The following GRIK3 variants were observed in gnomAD, a reference collection of about 807,000 sequenced individuals.
GRIK3 encodes the protein glutamate ionotropic receptor kainate type subunit 3.
Under a neutral mutation model 102.5 loss-of-function variants are expected in GRIK3, and 29 were observed. The ratio of observed to expected loss-of-function variants is 0.28; its 90% CI spans 0.21 to 0.39. GRIK3 has a LOEUF of 0.39. GRIK3 is among the 10% of genes least tolerant of loss of function. The pLI is 1.00. For missense variants in GRIK3, 908 were observed against 1,252.4 expected (o/e 0.73, Z 4.15); for synonymous variants, 511 against 504.9 (o/e 1.01, Z -0.16).
At chr1:36,863,850 A>G (rs1038737227) in intron 5 of GRIK3, among the ~76,000 whole-genome samples, 10 of 152,172 alleles carry the variant, frequency 6.6e-5, no homozygotes, top group African/African-American at 2.4e-4. Flanking sequence ...AAGTGGAAAG[A>G]AGGGTCAGCC....
chr1:36,983,382 G>A (rs1038043677), intron 1 of GRIK3, among the ~76,000 whole-genome samples: 2 of 152,000 alleles, frequency 1.3e-5, no homozygotes, highest in Non-Finnish European at 2.9e-5. Context: ...ACGGCACAAC[G>A]GCACACTCCC....
In GRIK3 at chr1:36,805,175, G is replaced by A. The variant is rs779645219; in HGVS notation, c.2377C>T (p.His793Tyr). Residue 793 changes from histidine (H) to tyrosine (Y), a missense_variant, in exon 15 of 16, where the codon CAT (histidine) becomes TAT (tyrosine). Physicochemically the swap from His to Tyr is moderately conservative, Grantham distance 83. Coordinates refer to ENST00000373091, the MANE Select transcript of GRIK3 (RefSeq NM_000831.4). The part of the protein sequence containing the change: ...ILQLQEEDKL[H>Y]IMKEKWWRGS... ...CGCCACCACTTCTCCTTCATGATAT[G>A]CAGCTTGTCCTCCTCCTGAAGCTGC... 1 of 1,614,150 alleles carries A rather than the reference G, an allele frequency of 6.2e-7. No individual in the cohort carries two copies. Among genetic ancestry groups the A allele is most frequent in the Non-Finnish European group, 8.5e-7 (1 of 1,180,014 alleles).
intron 1 of GRIK3, among the ~76,000 whole-genome samples, chr1:37,011,621 G>A (rs950236619): frequency 1.3e-5 from 2 of 152,214 alleles, no homozygotes; most frequent in Admixed American, 6.5e-5. Flanking sequence ...ATGCAGTGGA[G>A]GCTGGTGTGA....
At chr1:37,031,787 T>TCG (rs1642830933) in intron 1 of GRIK3, among the ~76,000 whole-genome samples, 1 of 152,218 alleles carries the variant, frequency 6.6e-6, no homozygotes, top group Admixed American at 6.5e-5. Context: ...ATTCTCTCTC[T>TCG]CTCGCTCGCT....
At chr1:36,833,828 C>A (rs1336957397) in intron 10 of GRIK3, among the ~76,000 whole-genome samples, 1 of 152,202 alleles carries the variant, frequency 6.6e-6, no homozygotes, top group Non-Finnish European at 1.5e-5. Flanking sequence ...CTTCACCCAA[C>A]CCTCATCACC....
rs541765923 is a variant in GRIK3 at position 37,003,541 on chromosome 1, G to A, written c.115+30453C>T. ...AGGTGGTGGGGGTCTGTCTGGCCAA[G>A]TAGCTCCCAGCCTCTCCTTCCTGCC... On this transcript the variant is annotated intron_variant, in intron 1 of 15. Coordinates refer to ENST00000373091, the MANE Select transcript of GRIK3 (RefSeq NM_000831.4). 2.0e-5 allele frequency among the ~76,000 whole-genome samples: 3 copies of A among 152,290 alleles called. No homozygotes were observed. In the South Asian group the frequency reaches 6.2e-4, roughly 32 times the overall value.
chr1:36,860,830 C>T (rs900643668), intron 5 of GRIK3, among the ~76,000 whole-genome samples: 12 of 152,318 alleles, frequency 7.9e-5, no homozygotes, highest in African/African-American at 2.2e-4. Context: ...TTGAAAACCA[C>T]GCAAACCTGG....
intron 3 of GRIK3, among the ~76,000 whole-genome samples, chr1:36,879,311 T>C (rs1011623531): frequency 6.6e-6 from 1 of 152,044 alleles, no homozygotes; most frequent in African/African-American, 2.4e-5. Context: ...CTGGGCAACG[T>C]AGCCAGAACT....
intron 11 of GRIK3, among the ~76,000 whole-genome samples, chr1:36,821,368 G>T (rs1642693784): frequency 6.6e-6 from 1 of 152,224 alleles, no homozygotes; most frequent in Non-Finnish European, 1.5e-5. Flanking sequence ...TTTGGAGAGA[G>T]CCTTTGGAGA....
intron 1 of GRIK3, among the ~76,000 whole-genome samples, chr1:36,984,314 A>G (rs1642281759): frequency 6.6e-6 from 1 of 152,216 alleles, no homozygotes; most frequent in African/African-American, 2.4e-5. Context: ...CCATCCTCAC[A>G]CATGCACACT....
chr1:36,958,550 C>A (rs979134911), intron 1 of GRIK3, among the ~76,000 whole-genome samples: 1 of 150,674 alleles, frequency 6.6e-6, no homozygotes, highest in Non-Finnish European at 1.5e-5. Flanking sequence ...GCCTGTGTGC[C>A]CTGTGAGTCT....
intron 10 of GRIK3, among the ~76,000 whole-genome samples, chr1:36,826,340 C>A (rs1017537570): frequency 1.3e-5 from 2 of 152,176 alleles, no homozygotes; most frequent in Non-Finnish European, 2.9e-5. Context: ...CCTCCAAATG[C>A]AAGTTGGGCA....
chr1:36,864,084 T>C (rs150717669), intron 5 of GRIK3, among the ~76,000 whole-genome samples: 1 of 152,308 alleles, frequency 6.6e-6, no homozygotes, highest in Non-Finnish European at 1.5e-5. Flanking sequence ...TAGTTGTCAT[T>C]GTTTATCTAT....
intron 1 of GRIK3, among the ~76,000 whole-genome samples, chr1:37,007,175 T>C (rs139607612): frequency 3.0e-4 from 45 of 152,348 alleles, no homozygotes; most frequent in African/African-American, 1.1e-3. Flanking sequence ...ATGCAGGCAC[T>C]GAGCAGATGC....
rs147060990 is a variant in GRIK3 at position 36,823,331 on chromosome 1, G to A, written c.1754+2272C>T. Among the ~76,000 whole-genome samples the A allele has an allele frequency of 2.6e-3, 391 of 151,862 alleles. 1 individual carries two copies. Among genetic ancestry groups the A allele is most frequent in the African/African-American group, 9.0e-3 (374 of 41,402 alleles). ...TACTAAAAATACAAAAAAATTAGCCGGGTGTGGTGGTGGGCACCTGTAGTC... is the reference window on the plus strand; with the variant it reads ...TACTAAAAATACAAAAAAATTAGCCAGGTGTGGTGGTGGGCACCTGTAGTC... On this transcript the variant is annotated intron_variant, in intron 11 of 15. Coordinates refer to ENST00000373091, the MANE Select transcript of GRIK3 (RefSeq NM_000831.4).
chr1:36,828,238 C>T (rs1481736184), intron 10 of GRIK3, among the ~76,000 whole-genome samples: 1 of 151,980 alleles, frequency 6.6e-6, no homozygotes, highest in African/African-American at 2.4e-5. Context: ...CCTTTCAGTC[C>T]TCAAGTTCTA....
At chr1:36,966,027 C>T (rs1029184651) in intron 1 of GRIK3, among the ~76,000 whole-genome samples, 4 of 152,172 alleles carry the variant, frequency 2.6e-5, no homozygotes, top group African/African-American at 7.2e-5. Flanking sequence ...GGTGCTGAGA[C>T]GGCACTTCTT....
In GRIK3 at chr1:37,034,093, G is replaced by C. The variant is rs1469830176; in HGVS notation, c.16C>G (p.Arg6Gly). The C allele has an allele frequency of 1.5e-5, 23 of 1,580,516 alleles. No homozygotes were observed. The highest frequency in any genetic ancestry group is 2.0e-5 in the Non-Finnish European group (23 of 1,163,232). MTAPW[R>G]RLRSLVWEYW... ...TCCCAAACCAGACTCCGGAGGCGCC[G>C]CCAGGGAGCGGTCATCGTTGGGCGC... Residue 6 changes from arginine to glycine, a missense_variant, in exon 1 of 16, where the codon CGG becomes GGG. By Grantham distance (125) the Arg-to-Gly change is moderately radical. Around this residue, in one of 3 missense-constraint regions of GRIK3, gnomAD observed 585 missense variants for 824.9 expected, o/e 0.71. Transcript: ENST00000373091.
At chr1:36,934,359 T>C (rs1173099425) in intron 1 of GRIK3, among the ~76,000 whole-genome samples, 1 of 152,168 alleles carries the variant, frequency 6.6e-6, no homozygotes, top group Non-Finnish European at 1.5e-5. Flanking sequence ...ACCAAGCACT[T>C]TTCTGAATCT....
Sources: allele counts gnomAD v4.1 joint callset (sites outside exome capture counted in the v4.1 genomes callset), GRCh38; gene constraint gnomAD v4.1.1; regional missense constraint gnomAD v4.1.1; transcripts MANE v1.5; gene names NCBI Gene and HGNC (gene_info 2026-07-23, HGNC 2026-07-21).